The following APPBP2 variants were observed in gnomAD, a reference collection of about 807,000 sequenced individuals.
APPBP2 encodes amyloid protein-binding protein 2.
A neutral mutation model predicts 76.0 loss-of-function variants in APPBP2; 15 were observed. The observed-to-expected ratio is 0.20, with a 90% CI of 0.13 to 0.30. APPBP2 has a LOEUF of 0.30. Among genes scored for constraint, APPBP2 ranks in the 10% least tolerant of loss-of-function variants. APPBP2 has a pLI of 1.00. For synonymous variants in APPBP2, 222 were observed against 242.2 expected (o/e 0.92, Z 0.77); for missense variants, 401 against 687.2 (o/e 0.58, Z 4.66).
rs1057363075 is a variant in APPBP2 at position 60,446,175 on chromosome 17, A to G, written c.*1406T>C. 1 of 152,548 alleles carries G rather than the reference A, an allele frequency of 6.6e-6. No individual in the cohort carries two copies. The highest frequency in any genetic ancestry group is 1.5e-5 in the Non-Finnish European group (1 of 68,020). The allele number at this position is 152,548 out of a possible 1,614,324, so 9.4% of individuals were successfully genotyped here. On this transcript the variant is annotated 3_prime_UTR_variant, in exon 13 of 13. Transcript: ENST00000083182. ...ATGAACCCCTGAAAATAGGGGGGGA[A>G]CCCAGATTCTTAACTATAGAAGCAT... is the stretch of plus-strand genomic sequence containing the variant.
At chr17:60,505,226 C>T (rs1329609831) in intron 1 of APPBP2, among the ~76,000 whole-genome samples, 1 of 152,220 alleles carries the variant, frequency 6.6e-6, no homozygotes, top group African/African-American at 2.4e-5. Flanking sequence ...ACACAGTAAC[C>T]AGAATAATCT....
intron 1 of APPBP2, among the ~76,000 whole-genome samples, chr17:60,525,097 G>A (rs552894577): frequency 1.4e-4 from 22 of 152,234 alleles, no homozygotes; most frequent in Admixed American, 8.5e-4. Context: ...TCAAACACAG[G>A]AACATAATCT....
chr17:60,483,673 G>A (rs1347139067), intron 3 of APPBP2, among the ~76,000 whole-genome samples: 6 of 152,178 alleles, frequency 3.9e-5, no homozygotes, highest in African/African-American at 9.7e-5. Flanking sequence ...GATTACAGGC[G>A]TGAGCCACCG....
chr17:60,451,124 C>T (rs1485524657), intron 12 of APPBP2, among the ~76,000 whole-genome samples: 3 of 152,134 alleles, frequency 2.0e-5, no homozygotes, highest in African/African-American at 7.2e-5. Context: ...GGCAGTGATA[C>T]GCAACATCAC....
At chr17:60,493,073 A>G (rs550713592) in intron 3 of APPBP2, among the ~76,000 whole-genome samples, 1 of 152,308 alleles carries the variant, frequency 6.6e-6, no homozygotes, top group African/African-American at 2.4e-5. Context: ...TGATGGTTTT[A>G]TAAGGGGTTT....
intron 6 of APPBP2, 78 bp downstream of exon 6, chr17:60,463,943 A>T: frequency 9.8e-7 from 1 of 1,020,302 alleles, no homozygotes; most frequent in Non-Finnish European, 1.4e-6. Flanking sequence ...CTAAAATGTT[A>T]AATAACAGGT....
chr17:60,481,928 G>T (rs894717968), intron 3 of APPBP2, among the ~76,000 whole-genome samples: 2 of 152,168 alleles, frequency 1.3e-5, no homozygotes, highest in Admixed American at 6.5e-5. Context: ...TGTTGCCCAG[G>T]CTAGAGTGCA....
At chr17:60,520,399 C>T (rs538669867) in intron 1 of APPBP2, among the ~76,000 whole-genome samples, 1 of 151,810 alleles carries the variant, frequency 6.6e-6, no homozygotes, top group African/African-American at 2.4e-5. Context: ...ATGGTAAAAC[C>T]CCATCTCTAC....
rs2090322616 is a variant in APPBP2, at chr17:60,443,819, A to C, written c.*3762T>G. 6.6e-6 allele frequency: 1 copy of C among 152,630 alleles called. No individual in the cohort carries two copies. The highest frequency in any genetic ancestry group is 6.5e-5 in the Admixed American group (1 of 15,270). 9.5% of individuals were successfully genotyped at this position (152,630 alleles called of 1,614,324 possible). On this transcript the variant is annotated 3_prime_UTR_variant, in exon 13 of 13. Coordinates refer to ENST00000083182, the MANE Select transcript of APPBP2 (RefSeq NM_006380.5). ...CTATAGATACCTAGGATTGCAATTA[A>C]AGAATAGTATTATGCAATAAATCCT...
intron 1 of APPBP2, among the ~76,000 whole-genome samples, chr17:60,504,443 TAA>T (rs2090850490): frequency 6.6e-6 from 1 of 152,068 alleles, no homozygotes; most frequent in Non-Finnish European, 1.5e-5. Flanking sequence ...AAAAATTACT[TAA>T]TAAAGAGTGC....
At chr17:60,458,383 G>A (rs1295228248) in intron 9 of APPBP2, among the ~76,000 whole-genome samples, 3 of 151,408 alleles carry the variant, frequency 2.0e-5, no homozygotes, top group Non-Finnish European at 4.4e-5. Context: ...GCAGTCAGCC[G>A]AGATCACGCC....
Position 60,454,426 on chromosome 17 carries a change from T to G in APPBP2, c.1214A>C (p.Glu405Ala), listed in dbSNP as rs766929043. ...NKETEQRLLQ[E>A]AHDLHLSSLQ... ...TGAAGACAGGTGCAAATCATGAGCT[T>G]CTTGAAGCAGCCTCTGTTCAGTTTC... The change falls in exon 11 of 13, where the codon GAA becomes GCA. Residue 405 changes from glutamate to alanine, a missense_variant. Glu to Ala is a moderately radical substitution (Grantham distance 107, BLOSUM62 -1). Transcript: ENST00000083182. 6.2e-7 allele frequency: 1 copy of G among 1,612,260 alleles called. No individual in the cohort carries two copies. Among genetic ancestry groups the G allele is most frequent in the Non-Finnish European group, 8.5e-7 (1 of 1,179,220 alleles).
At chr17:60,493,394 G>A (rs1027108196) in intron 3 of APPBP2, among the ~76,000 whole-genome samples, 1 of 152,004 alleles carries the variant, frequency 6.6e-6, no homozygotes, top group Non-Finnish European at 1.5e-5. Flanking sequence ...CATCTAAACA[G>A]ATTTGTGAAA....
At chr17:60,458,897 C>T (rs868704846) in intron 9 of APPBP2, among the ~76,000 whole-genome samples, 14 of 151,764 alleles carry the variant, frequency 9.2e-5, no homozygotes, top group African/African-American at 1.2e-4. Flanking sequence ...CTCAGCCTCC[C>T]GAGTAGCTGG....
intron 3 of APPBP2, among the ~76,000 whole-genome samples, chr17:60,487,103 C>A (rs1268129300): frequency 6.6e-6 from 1 of 152,118 alleles, no homozygotes; most frequent in Non-Finnish European, 1.5e-5. Context: ...GTAACCTGAC[C>A]TTTCTTTCTG....
intron 1 of APPBP2, among the ~76,000 whole-genome samples, chr17:60,513,997 T>TAAA (rs35785295): frequency 2.3e-4 from 25 of 108,544 alleles, no homozygotes; most frequent in East Asian, 1.0e-3. Flanking sequence ...TTCCCCACAT[T>TAAA]AAAAAAAAAA....
Position 60,444,175 on chromosome 17 carries a change from A to T in APPBP2, c.*3406T>A, listed in dbSNP as rs2090326431. The stretch of plus-strand genomic sequence containing the variant: ...CTGGCAACTAAGTTCCTCCACAGCC[A>T]AGAGGTGAAGTACACATCCACTTCT... On this transcript the variant is annotated 3_prime_UTR_variant, in exon 13 of 13. Transcript: ENST00000083182. The T allele has an allele frequency of 6.6e-6, 1 of 152,518 alleles. No individual in the cohort carries two copies. The highest frequency in any genetic ancestry group is 1.5e-5 in the Non-Finnish European group (1 of 68,080). The allele number at this position is 152,518 out of a possible 1,614,324, so 9.4% of individuals were successfully genotyped here.
At chr17:60,483,333 T>C (rs2090646327) in intron 3 of APPBP2, among the ~76,000 whole-genome samples, 1 of 152,190 alleles carries the variant, frequency 6.6e-6, no homozygotes, top group South Asian at 2.1e-4. Flanking sequence ...TATCAGCCCA[T>C]TGTCAGATAG....
At chr17:60,449,798 T>C (rs1450596392) in intron 12 of APPBP2, among the ~76,000 whole-genome samples, 1 of 152,016 alleles carries the variant, frequency 6.6e-6, no homozygotes, top group East Asian at 1.9e-4. Flanking sequence ...TAGAAAAAGA[T>C]TTCCATATTT....
Sources: gnomAD v4.1 joint callset for allele counts (sites outside exome capture counted in the v4.1 genomes callset) on GRCh38, gnomAD v4.1.1 for gene constraint, MANE v1.5 for transcripts, NCBI Gene and HGNC (gene_info 2026-07-23, HGNC 2026-07-21) for gene names.